The following SNAP47 variants were observed in gnomAD, a reference collection of about 807,000 sequenced individuals.
SNAP47 encodes the protein synaptosomal-associated protein 47.
SNAP47 carries 20 observed loss-of-function variants against 31.4 expected under a neutral mutation model. That is an observed-to-expected ratio of 0.64 (90% CI 0.45 to 0.93). The LOEUF (loss-of-function observed/expected upper bound fraction) is 0.93. SNAP47 is among the 40% of genes least tolerant of loss of function. The probability of loss-of-function intolerance (pLI) is 0.00; values close to 1 mark genes in which losing one functional copy is unlikely to be tolerated. For missense variants in SNAP47, 492 were observed against 528.5 expected (o/e 0.93, Z 0.68); for synonymous variants, 194 against 213.4 (o/e 0.91, Z 0.79).
In SNAP47 at chr1:227,747,840, G is replaced by C; in HGVS notation, c.104G>C (p.Arg35Thr). Residue 35 changes from arginine (R) to threonine (T), a missense_variant, in exon 2 of 5, where the codon AGG (arginine) becomes ACG (threonine). Arg to Thr is a moderately conservative substitution (Grantham distance 71). Coordinates refer to ENST00000617596, the MANE Select transcript of SNAP47 (RefSeq NM_053052.4). The stretch of plus-strand genomic sequence containing the variant: ...CTGTCCTTAACATCGCTGTCGCTCA[G>C]GTTCATGACTGACAGCACTGGAGAG... ...GQLSLTSLSLRFMTDSTGEIL... is the reference protein window; with the variant it reads ...GQLSLTSLSLTFMTDSTGEIL... 6.2e-7 allele frequency: 1 copy of C among 1,614,182 alleles called. No individual in the cohort carries two copies. The highest frequency in any genetic ancestry group is 1.1e-5 in the South Asian group (1 of 91,080).
intron 2 of SNAP47, among the ~76,000 whole-genome samples, chr1:227,755,905 C>A (rs893873930): frequency 8.5e-5 from 13 of 152,228 alleles, no homozygotes; most frequent in Non-Finnish European, 1.6e-4. Flanking sequence ...CCACTTTTAA[C>A]CAATTGCCAT....
intron 2 of SNAP47, among the ~76,000 whole-genome samples, chr1:227,749,073 C>A (rs1662171157): frequency 6.6e-6 from 1 of 152,186 alleles, no homozygotes; most frequent in South Asian, 2.1e-4. Flanking sequence ...TTTTGTGTTC[C>A]TCCAGTTTCC....
intron 2 of SNAP47, among the ~76,000 whole-genome samples, chr1:227,758,361 C>G (rs1467013593): frequency 6.6e-6 from 1 of 152,338 alleles, no homozygotes; most frequent in East Asian, 1.9e-4. Context: ...GCTTCTGTCC[C>G]CACACCTGTA....
intron 1 of SNAP47, chr1:227,745,765 G>A (rs1037089006): frequency 2.0e-5 from 3 of 152,376 alleles, no homozygotes; most frequent in Admixed American, 6.5e-5. Flanking sequence ...AGCAAGACAA[G>A]CCTGCTTACC....
rs1213636162 is a variant in SNAP47, at chr1:227,762,631, G to A, written c.988+3146G>A. On this transcript the variant is annotated intron_variant, in intron 3 of 4. Transcript: ENST00000617596. The surrounding 1 kb of genome is among the most constrained non-coding windows in gnomAD (Gnocchi z 4.2). ...GGCAGCCTCGCGACACCGGATGGGC[G>A]CTTGTCAGGGAGGGACACCCGGGGC... Among the ~76,000 whole-genome samples the A allele has an allele frequency of 3.3e-5, 5 of 152,178 alleles. No homozygotes were observed. The highest frequency in any genetic ancestry group is 4.1e-4 in the South Asian group (2 of 4,834).
chr1:227,747,608 G>T lies in SNAP47; in HGVS notation c.-45-84G>T, dbSNP rs114721039. The T allele has an allele frequency of 1.0e-4, 146 of 1,411,764 alleles. 2 individuals are homozygous for T. In the South Asian group the frequency reaches 1.9e-3, roughly 19 times the overall value. The allele number at this position is 1,411,764 out of a possible 1,614,324, so 87.5% of individuals were successfully genotyped here. ...CTGCAGCCTGTGTGAGCCCAGAGCC[G>T]CAGGGGAGGCAGCATCCTTGTGGGG... On this transcript the variant is annotated intron_variant, in intron 1 of 4. Coordinates refer to ENST00000617596, the MANE Select transcript of SNAP47 (RefSeq NM_053052.4).
At chr1:227,759,507 G>A in intron 3 of SNAP47, 22 bp downstream of exon 3, 1 of 1,609,644 alleles carries the variant, frequency 6.2e-7, no homozygotes, top group Non-Finnish European at 8.5e-7. Context: ...ACAAGGCAGT[G>A]AGCGCGTGCA....
chr1:227,756,814 C>T (rs1662728305), intron 2 of SNAP47, among the ~76,000 whole-genome samples: 1 of 152,252 alleles, frequency 6.6e-6, no homozygotes, highest in Non-Finnish European at 1.5e-5. Context: ...GCACAGCACC[C>T]AGGGCTGAGC....
chr1:227,734,853 G>A (rs988332445), upstream of SNAP47: 3 of 1,611,082 alleles, frequency 1.9e-6, no homozygotes, highest in Admixed American at 3.3e-5. Flanking sequence ...ATCTCCCTGG[G>A]CCCCGTCCTC....
intron 2 of SNAP47, among the ~76,000 whole-genome samples, chr1:227,750,172 AGAT>A (rs1662256375): frequency 1.3e-5 from 2 of 152,260 alleles, no homozygotes; most frequent in South Asian, 4.1e-4. Context: ...CGGAGCCGGA[AGAT>A]GACAGAGCCC....
At chr1:227,768,264 A>C in intron 4 of SNAP47, 1 of 985,418 alleles carries the variant, frequency 1.0e-6, no homozygotes, top group South Asian at 4.7e-5. Context: ...TCCTGGAAAA[A>C]GCAAAGCTGT....
chr1:227,770,893 A>G (rs1283093468), intron 4 of SNAP47: 1 of 152,242 alleles, frequency 6.6e-6, no homozygotes, highest in Admixed American at 6.5e-5. Context: ...CTGCATGGAC[A>G]CCATGCTCTG....
In SNAP47 at chr1:227,780,658, G is replaced by A. The variant is rs1260182288; in HGVS notation, c.1245G>A (p.Met415Ile). The A allele has an allele frequency of 1.9e-6, 3 of 1,614,050 alleles. No homozygotes were observed. Among genetic ancestry groups the A allele is most frequent in the Non-Finnish European group, 2.5e-6 (3 of 1,180,028 alleles). The change falls in exon 5 of 5, where the codon ATG (methionine) becomes ATA (isoleucine). Residue 415 changes from methionine (M) to isoleucine (I), a missense_variant. Transcript: ENST00000617596. ...TLTIDKHNRRMKRLT is the reference protein window; with the variant it reads ...TLTIDKHNRRIKRLT ...CCATCGACAAGCACAACAGGCGGAT[G>A]AAGAGGCTGACCTAGGGGCAGAACG...
At chr1:227,749,476 G>C (rs1190902988) in intron 2 of SNAP47, among the ~76,000 whole-genome samples, 1 of 152,132 alleles carries the variant, frequency 6.6e-6, no homozygotes, top group African/African-American at 2.4e-5. Context: ...GCGTGTTGCT[G>C]GTTCTTCCTA....
intron 4 of SNAP47, among the ~76,000 whole-genome samples, chr1:227,778,109 C>T (rs371884955): frequency 7.2e-5 from 11 of 152,336 alleles, no homozygotes; most frequent in African/African-American, 1.7e-4. Flanking sequence ...ATGGACATAG[C>T]GACGGGGGAA....
upstream of SNAP47, chr1:227,732,645 A>T (rs1558181279): frequency 6.2e-7 from 1 of 1,613,362 alleles, no homozygotes. Flanking sequence ...AAACTCTTCA[A>T]AGTTGATGCC....
chr1:227,733,690 G>GC (rs745766569), upstream of SNAP47: 3 of 1,599,550 alleles, frequency 1.9e-6, no homozygotes, highest in South Asian at 3.3e-5. Flanking sequence ...ACCTGCGGCA[G>GC]CAAGAGCGCC....
intron 2 of SNAP47, 79 bp from the exon 3 acceptor site, chr1:227,758,914 TAA>T (rs2102951361): frequency 6.7e-7 from 1 of 1,501,656 alleles, no homozygotes; most frequent in East Asian, 2.3e-5. Context: ...TTACAAAGGT[TAA>T]AACCGTTTTC....
chr1:227,762,112 A>G lies in SNAP47; in HGVS notation c.988+2627A>G, dbSNP rs1663101554. 6.6e-6 allele frequency among the ~76,000 whole-genome samples: 1 copy of G among 152,210 alleles called. No homozygotes were observed. Among genetic ancestry groups the G allele is most frequent in the Non-Finnish European group, 1.5e-5 (1 of 68,022 alleles). On this transcript the variant is annotated intron_variant, in intron 3 of 4. Transcript: ENST00000617596. This position sits in a 1 kb window ranked among gnomAD's most constrained non-coding sequence, Gnocchi z 4.2. ...CCGTGGTGTTTTGAGTACCTGGGGC[A>G]GCCATCTTGCCATGTGGCACACACA...
Sources: gnomAD v4.1 joint callset for allele counts (sites outside exome capture counted in the v4.1 genomes callset) on GRCh38, gnomAD v4.1.1 for gene constraint, Gnocchi (gnomAD v3.1) non-coding constraint, MANE v1.5 for transcripts, NCBI Gene and HGNC (gene_info 2026-07-23, HGNC 2026-07-21) for gene names.